Variants in CDKL3 observed in about 807,000 individuals in gnomAD.
The protein encoded by CDKL3 is cyclin dependent kinase like 3, also known as cyclin-dependent kinase-like 3.
CDKL3 carries 65 observed loss-of-function variants against 69.3 expected under a neutral mutation model. The ratio of observed to expected loss-of-function variants is 0.94; its 90% CI spans 0.77 to 1.15. CDKL3 has a LOEUF of 1.15. Among genes scored for constraint, CDKL3 ranks in the 50% most tolerant of loss-of-function variants. CDKL3 has a pLI of 0.00. For synonymous variants in CDKL3, 202 were observed against 221.6 expected, an observed-to-expected ratio of 0.91 and a Z score of 0.79; for missense variants, 652 against 689.2, an observed-to-expected ratio of 0.95 and a Z score of 0.61.
chr5:134,325,721 T>TAAAAAAATGC (rs1561559478), intron 4 of CDKL3, among the ~76,000 whole-genome samples: 1 of 151,736 alleles, frequency 6.6e-6, no homozygotes, highest in Non-Finnish European at 1.5e-5. Context: ...CTTTTGCATT[T>TAAAAAAATGC]AAAAAAAACT....
intron 6 of CDKL3, among the ~76,000 whole-genome samples, chr5:134,316,784 T>G (rs938571617): frequency 1.3e-5 from 2 of 152,136 alleles, no homozygotes; most frequent in African/African-American, 4.8e-5. Flanking sequence ...TATCTTTAAA[T>G]GTACTGGTAA....
intron 4 of CDKL3, among the ~76,000 whole-genome samples, chr5:134,330,985 G>A (rs114668930): frequency 6.6e-5 from 10 of 152,260 alleles, no homozygotes; most frequent in African/African-American, 2.4e-4. Flanking sequence ...AATGCTTCAG[G>A]ATCTTGATGC....
At chr5:134,287,895 CT>C (rs5871533) in intron 8 of CDKL3, among the ~76,000 whole-genome samples, 52 of 138,110 alleles carry the variant, frequency 3.8e-4, no homozygotes, top group East Asian at 1.9e-3. Context: ...TGTAACTTTA[CT>C]TTTTTTTTTT....
chr5:134,339,629 T>C (rs1336117866), intron 4 of CDKL3, among the ~76,000 whole-genome samples: 1 of 152,190 alleles, frequency 6.6e-6, no homozygotes, highest in Non-Finnish European at 1.5e-5. Context: ...TATATTGTTC[T>C]CAAGTCACAT....
At chr5:134,369,672 G>A (rs1758136124), upstream of CDKL3, among the ~76,000 whole-genome samples, 1 of 152,136 alleles carries the variant, frequency 6.6e-6, no homozygotes, top group South Asian at 2.1e-4. Context: ...CTCGTCTCAA[G>A]CGATTCTTCT....
chr5:134,354,110 T>A (rs1753973139), intron 3 of CDKL3, among the ~76,000 whole-genome samples: 1 of 152,208 alleles, frequency 6.6e-6, no homozygotes, highest in Admixed American at 6.5e-5. Flanking sequence ...TAGTATTAGA[T>A]GCTCCTTCTA....
chr5:134,319,457 G>C lies in CDKL3; in HGVS notation c.693C>G (p.Ser231Arg), dbSNP rs1220416256. The change falls in exon 6 of 13, where the codon AGC becomes AGG. Residue 231 changes from serine to arginine, a missense_variant. Transcript: ENST00000265334. ...GAAGAACTACCCCAGCAAAAATGGG[G>C]CTCTTGGAAAAGATATTCTGCAAGT... Reference protein sequence around the residue: ...SPHLQNIFSKSPIFAGVVLPQ... With the variant: ...SPHLQNIFSKRPIFAGVVLPQ... The C allele has an allele frequency of 1.3e-6, 2 of 1,533,394 alleles. No individual in the cohort carries two copies. Among genetic ancestry groups the C allele is most frequent in the Non-Finnish European group, 1.8e-6 (2 of 1,142,230 alleles). The allele number at this position is 1,533,394 out of a possible 1,614,324, so 95.0% of individuals were successfully genotyped here.
rs201400783 is a variant in CDKL3 at position 134,350,348 on chromosome 5, G to A, written c.440C>T (p.Ala147Val). 4.7e-5 allele frequency: 75 copies of A among 1,589,230 alleles called. No individual in the cohort carries two copies. In the Admixed American group the frequency reaches 1.1e-3, roughly 23 times the overall value. The change falls in exon 4 of 13, where the codon GCA (alanine) becomes GTA (valine). Residue 147 changes from alanine (A) to valine (V), a missense_variant. Physicochemically the swap from Ala to Val is moderately conservative, Grantham distance 64 (BLOSUM62 0). Coordinates refer to ENST00000265334, the MANE Select transcript of CDKL3 (RefSeq NM_001113575.2). Reference sequence around the variant, plus strand: ...GTCCCCAGGAGCTGCTAGTGTTCGTGCAAAACCAAAATCACAGAGCTTAGT... The same window carrying A: ...GTCCCCAGGAGCTGCTAGTGTTCGTACAAAACCAAAATCACAGAGCTTAGT... ...GITKLCDFGF[A>V]RTLAAPGDIY... is the part of the protein sequence containing the mutation.
intron 7 of CDKL3, among the ~76,000 whole-genome samples, chr5:134,309,734 C>G (rs925763324): frequency 1.3e-5 from 2 of 152,206 alleles, no homozygotes; most frequent in Non-Finnish European, 2.9e-5. Context: ...ACTCAAGGTA[C>G]TTTCACCCCA....
intron 2 of CDKL3, among the ~76,000 whole-genome samples, chr5:134,360,658 T>G (rs551265570): frequency 9.8e-5 from 15 of 152,314 alleles, no homozygotes; most frequent in African/African-American, 3.6e-4. Flanking sequence ...TTAAAATAAT[T>G]TAATGTACTA....
intron 4 of CDKL3, among the ~76,000 whole-genome samples, chr5:134,333,554 G>T: frequency 6.6e-6 from 1 of 152,148 alleles, no homozygotes; most frequent in Admixed American, 6.5e-5. Context: ...GGCCTTTTCT[G>T]CATCTATTGA....
Position 134,350,243 on chromosome 5 carries a change from AC to A in CDKL3, c.539+5del, listed in dbSNP as rs1752932425. The stretch of plus-strand genomic sequence containing the variant: ...AAAGGCTGACAGGATCCCAAAATAC[AC>A]ATACTTTCCATAAGAAGTATCTTTT... On this transcript the variant is annotated splice_donor_5th_base_variant and intron_variant, in intron 4 of 12. Coordinates refer to ENST00000265334, the MANE Select transcript of CDKL3 (RefSeq NM_001113575.2). 6.5e-7 allele frequency: 1 copy of A among 1,547,176 alleles called. No individual in the cohort carries two copies.
chr5:134,347,144 A>T (rs911574328), intron 4 of CDKL3, among the ~76,000 whole-genome samples: 1 of 152,092 alleles, frequency 6.6e-6, no homozygotes, highest in Admixed American at 6.6e-5. Flanking sequence ...GAAACTCTCT[A>T]TACTATCTTT....
chr5:134,341,419 A>C (rs1211002680), intron 4 of CDKL3, among the ~76,000 whole-genome samples: 1 of 152,236 alleles, frequency 6.6e-6, no homozygotes, highest in Non-Finnish European at 1.5e-5. Flanking sequence ...ATGATCTTCT[A>C]TGTAGAAAAT....
intron 4 of CDKL3, among the ~76,000 whole-genome samples, chr5:134,330,331 C>T (rs1293702243): frequency 6.6e-6 from 1 of 152,082 alleles, no homozygotes; most frequent in African/African-American, 2.4e-5. Flanking sequence ...AAATTGCCCT[C>T]GTTTGATGAG....
At chr5:134,294,278 T>G (rs941151884), downstream of CDKL3, among the ~76,000 whole-genome samples, 1 of 152,138 alleles carries the variant, frequency 6.6e-6, no homozygotes, top group Non-Finnish European at 1.5e-5. Context: ...TCTAAGTAGA[T>G]GAAGAAAGGG....
intron 4 of CDKL3, among the ~76,000 whole-genome samples, chr5:134,326,797 GTA>G (rs1322547504): frequency 1.9e-4 from 26 of 137,992 alleles, no homozygotes; most frequent in South Asian, 6.8e-4. Flanking sequence ...AAGCGTGTGT[GTA>G]TATATATATA....
intron 4 of CDKL3, among the ~76,000 whole-genome samples, chr5:134,344,389 A>G (rs1458934125): frequency 1.3e-5 from 2 of 152,242 alleles, no homozygotes; most frequent in African/African-American, 4.8e-5. Flanking sequence ...CTTGTAAATC[A>G]CATATCTGAT....
chr5:134,303,714 TTGG>T (rs1014714799), intron 11 of CDKL3, among the ~76,000 whole-genome samples: 5 of 148,072 alleles, frequency 3.4e-5, no homozygotes, highest in Non-Finnish European at 7.5e-5. Flanking sequence ...GCCAGGCGTG[TTGG>T]TGGGCACCTG....
Sources: allele counts gnomAD v4.1 joint callset (sites outside exome capture counted in the v4.1 genomes callset), GRCh38; gene constraint gnomAD v4.1.1; transcripts MANE v1.5; gene names NCBI Gene and HGNC (gene_info 2026-07-23, HGNC 2026-07-21).